The following GRID1 variants were observed in gnomAD, a reference collection of about 807,000 sequenced individuals.
GRID1 encodes the protein glutamate ionotropic receptor delta type subunit 1.
A neutral mutation model predicts 98.0 loss-of-function variants in GRID1; 28 were observed. That is an observed-to-expected ratio of 0.29 (90% CI 0.21 to 0.39). The LOEUF is 0.39. Among genes scored for constraint, GRID1 ranks in the 10% least tolerant of loss-of-function variants. GRID1 has a pLI of 1.00. For missense variants in GRID1, 1,111 were observed against 1,340.5 expected (o/e 0.83, Z 2.67); for synonymous variants, 553 against 538.5 (o/e 1.03, Z -0.37).
Position 86,281,371 on chromosome 10 carries a change from G to T in GRID1, c.236-74723C>A, listed in dbSNP as rs570068043. ...TATTGCAGCCAGTGGCTGCAGAGGG[G>T]TTATGGGGTACAGCAAGGTGGGCTG... is the stretch of plus-strand genomic sequence containing the variant. On this transcript the variant is annotated intron_variant, in intron 2 of 15. Coordinates refer to ENST00000327946, the MANE Select transcript of GRID1 (RefSeq NM_017551.3). Among the ~76,000 whole-genome samples, 60 of 152,326 alleles carry T rather than the reference G, an allele frequency of 3.9e-4. No homozygotes were observed. The East Asian group carries it at 0.011, about 28-fold the overall frequency.
At chr10:86,133,996 C>G (rs901930481) in intron 4 of GRID1, among the ~76,000 whole-genome samples, 1 of 152,212 alleles carries the variant, frequency 6.6e-6, no homozygotes, top group African/African-American at 2.4e-5. Flanking sequence ...GGAGGAAATA[C>G]AGAGGAAACA....
intron 2 of GRID1, among the ~76,000 whole-genome samples, chr10:86,279,448 A>T (rs1042090553): frequency 2.0e-5 from 3 of 152,244 alleles, no homozygotes; most frequent in African/African-American, 7.2e-5. Context: ...GTAAGATTTA[A>T]CATTTAACTT....
chr10:86,245,146 A>G (rs1283594795), intron 2 of GRID1, among the ~76,000 whole-genome samples: 6 of 152,334 alleles, frequency 3.9e-5, no homozygotes, highest in Middle Eastern at 6.8e-3. Flanking sequence ...CTGTAGACCA[A>G]CTGGCCTGTG....
At chr10:86,244,388 A>G (rs1846687880) in intron 2 of GRID1, among the ~76,000 whole-genome samples, 2 of 152,238 alleles carry the variant, frequency 1.3e-5, no homozygotes, top group African/African-American at 4.8e-5. Context: ...GCGCCAGAAC[A>G]GGAACTATTG....
chr10:86,253,309 G>C (rs1314438938), intron 2 of GRID1, among the ~76,000 whole-genome samples: 1 of 152,208 alleles, frequency 6.6e-6, no homozygotes, highest in Admixed American at 6.5e-5. Flanking sequence ...ACAGGCACCA[G>C]GCTGGAGCCC....
At chr10:85,839,485 C>G (rs1842943401) in intron 8 of GRID1, among the ~76,000 whole-genome samples, 1 of 152,144 alleles carries the variant, frequency 6.6e-6, no homozygotes, top group African/African-American at 2.4e-5. Flanking sequence ...AAGAAATTCA[C>G]TCCAAAGCCT....
At chr10:85,774,134 T>C (rs966965785) in intron 8 of GRID1, among the ~76,000 whole-genome samples, 2 of 152,118 alleles carry the variant, frequency 1.3e-5, no homozygotes, top group African/African-American at 4.8e-5. Flanking sequence ...GAGATAGCGA[T>C]CAATGGAACA....
rs138099457 is a variant in GRID1, at chr10:85,958,500, G to A, written c.727-42261C>T. Among the ~76,000 whole-genome samples, 246 of 151,954 alleles carry A rather than the reference G, an allele frequency of 1.6e-3. 1 individual carries two copies. Among genetic ancestry groups the A allele is most frequent in the African/African-American group, 4.7e-3 (195 of 41,450 alleles). On this transcript the variant is annotated intron_variant, in intron 4 of 15. Coordinates refer to ENST00000327946, the MANE Select transcript of GRID1 (RefSeq NM_017551.3). ...TTCTGGGTGAGATTAGCATTTGACT[G>A]GGCCACAGGGTGTCCAGACATTTGG...
At chr10:85,670,036 T>G (rs1255632587) in intron 12 of GRID1, among the ~76,000 whole-genome samples, 1 of 152,248 alleles carries the variant, frequency 6.6e-6, no homozygotes, top group Non-Finnish European at 1.5e-5. Context: ...GTTAGTTTAT[T>G]GAATTGTCTT....
intron 4 of GRID1, among the ~76,000 whole-genome samples, chr10:85,918,531 G>A (rs948941811): frequency 6.6e-6 from 1 of 152,184 alleles, no homozygotes; most frequent in African/African-American, 2.4e-5. Context: ...CTTGATGAAG[G>A]ACAATGCACA....
At chr10:86,109,352 C>A (rs867777518) in intron 4 of GRID1, among the ~76,000 whole-genome samples, 4 of 152,228 alleles carry the variant, frequency 2.6e-5, no homozygotes, top group African/African-American at 9.6e-5. Flanking sequence ...CCAGGGTGAA[C>A]AAGGCTTACA....
chr10:85,608,770 G>A (rs1842700758), intron 15 of GRID1, among the ~76,000 whole-genome samples: 1 of 152,180 alleles, frequency 6.6e-6, no homozygotes, highest in East Asian at 1.9e-4. Flanking sequence ...AAGCAGGGGA[G>A]GCTTTGCCAA....
intron 4 of GRID1, among the ~76,000 whole-genome samples, chr10:86,035,774 A>T (rs1776850223): frequency 6.6e-6 from 1 of 152,248 alleles, no homozygotes; most frequent in African/African-American, 2.4e-5. Flanking sequence ...ATAATATAAC[A>T]TAATATGGAA....
At chr10:85,635,419 C>T (rs1003657758) in intron 13 of GRID1, among the ~76,000 whole-genome samples, 2 of 152,174 alleles carry the variant, frequency 1.3e-5, no homozygotes, top group African/African-American at 4.8e-5. Context: ...CCCTGCCCTC[C>T]CCTGCCCCCT....
At chr10:86,089,597 T>A (rs1235118010) in intron 4 of GRID1, among the ~76,000 whole-genome samples, 2 of 152,146 alleles carry the variant, frequency 1.3e-5, no homozygotes, top group Admixed American at 6.5e-5. Flanking sequence ...AGCGCTGAGA[T>A]GATGAAATCA....
intron 2 of GRID1, among the ~76,000 whole-genome samples, chr10:86,326,999 T>C (rs2132099680): frequency 6.6e-6 from 1 of 151,972 alleles, no homozygotes; most frequent in South Asian, 2.1e-4. Context: ...TAGCCAGACA[T>C]GGTGGCAGCG....
At chr10:85,988,518 G>A (rs1842639628) in intron 4 of GRID1, among the ~76,000 whole-genome samples, 1 of 152,088 alleles carries the variant, frequency 6.6e-6, no homozygotes, top group Non-Finnish European at 1.5e-5. Context: ...CCCCAACCTG[G>A]GCCTTCCTAG....
chr10:86,151,133 C>T (rs1386270570), intron 3 of GRID1, among the ~76,000 whole-genome samples: 1 of 152,164 alleles, frequency 6.6e-6, no homozygotes, highest in African/African-American at 2.4e-5. Context: ...AATCCAGGGC[C>T]TCTGACTCCA....
intron 8 of GRID1, among the ~76,000 whole-genome samples, chr10:85,849,094 C>T (rs1843034034): frequency 6.6e-6 from 1 of 152,168 alleles, no homozygotes; most frequent in Admixed American, 6.5e-5. Flanking sequence ...GCTGGAGCCA[C>T]CAGGTAAAGG....
Sources: gnomAD v4.1 joint callset for allele counts (sites outside exome capture counted in the v4.1 genomes callset) on GRCh38, gnomAD v4.1.1 for gene constraint, MANE v1.5 for transcripts, NCBI Gene and HGNC (gene_info 2026-07-23, HGNC 2026-07-21) for gene names.